The following LEPR variants were observed in gnomAD, a reference collection of about 807,000 sequenced individuals.
The protein encoded by LEPR is OB receptor.
LEPR carries 56 observed loss-of-function variants against 114.7 expected under a neutral mutation model. The ratio of observed to expected loss-of-function variants is 0.49; its 90% confidence interval spans 0.39 to 0.61. LEPR has a LOEUF of 0.61. LEPR is among the 20% of genes least tolerant of loss of function. LEPR has a pLI of 0.00. For synonymous variants in LEPR, 443 were observed against 461.4 expected (o/e 0.96, Z 0.51); for missense variants, 1,202 against 1,352.9 (o/e 0.89, Z 1.75).
chr1:65,614,854 T>G (rs1444349568), intron 14 of LEPR, among the ~76,000 whole-genome samples: 2 of 152,156 alleles, frequency 1.3e-5, no homozygotes, highest in African/African-American at 4.8e-5. Context: ...TGTTTCTAAT[T>G]ACCATCGTTC....
intron 2 of LEPR, among the ~76,000 whole-genome samples, chr1:65,470,713 A>C (rs901757397): frequency 1.3e-5 from 2 of 152,250 alleles, no homozygotes; most frequent in African/African-American, 4.8e-5. Context: ...AACAGGAATT[A>C]AACTTTATGC....
At chr1:65,454,141 C>A (rs1337683143) in intron 2 of LEPR, among the ~76,000 whole-genome samples, 2 of 151,446 alleles carry the variant, frequency 1.3e-5, no homozygotes, top group Non-Finnish European at 2.9e-5. Flanking sequence ...CTTGGTAGAT[C>A]TTCCTCCATC....
At chr1:65,435,165 G>T (rs913263851) in intron 2 of LEPR, 1 of 985,322 alleles carries the variant, frequency 1.0e-6, no homozygotes, top group Non-Finnish European at 1.2e-6. Context: ...GTTCTGAGCT[G>T]GTCCTGCTTT....
intron 2 of LEPR, among the ~76,000 whole-genome samples, chr1:65,522,017 A>G (rs1649661461): frequency 6.6e-6 from 1 of 152,144 alleles, no homozygotes; most frequent in Non-Finnish European, 1.5e-5. Context: ...TGCATTTTTG[A>G]ATGCAAATTT....
chr1:65,431,236 GT>G (rs1372049915), intron 2 of LEPR, among the ~76,000 whole-genome samples: 1 of 152,076 alleles, frequency 6.6e-6, no homozygotes, highest in Non-Finnish European at 1.5e-5. Flanking sequence ...ATCATATTTT[GT>G]GAAGAAACTT....
chr1:65,451,655 G>A (rs916493079), intron 2 of LEPR, among the ~76,000 whole-genome samples: 5 of 152,194 alleles, frequency 3.3e-5, no homozygotes, highest in Non-Finnish European at 7.3e-5. Context: ...TTTGGTACCA[G>A]TACCGTGCTG....
chr1:65,421,491 A>G (rs777951539), intron 1 of LEPR: 107 of 1,535,608 alleles, frequency 7.0e-5, no homozygotes, highest in Non-Finnish European at 8.6e-5. Context: ...AATCTGTCGA[A>G]TAGAGTAGCA....
chr1:65,532,368 G>A (rs559521777), intron 2 of LEPR, among the ~76,000 whole-genome samples: 10 of 152,204 alleles, frequency 6.6e-5, no homozygotes, highest in Admixed American at 2.0e-4. Flanking sequence ...ATGGATACTC[G>A]TGAGCCATCT....
At chr1:65,608,208 A>T (rs1486480848) in intron 11 of LEPR, among the ~76,000 whole-genome samples, 1 of 143,938 alleles carries the variant, frequency 6.9e-6, no homozygotes, top group South Asian at 2.2e-4. Flanking sequence ...TGTTATTGAT[A>T]TTTAGCATGT....
Position 65,616,163 on chromosome 1 carries a change from C to T in LEPR, c.2151C>T (p.Ile717=), listed in dbSNP as rs2100992430. Residue 717 remains isoleucine, a synonymous_variant, in exon 15 of 20, where the codon ATC becomes ATT. Coordinates refer to ENST00000349533, the MANE Select transcript of LEPR (RefSeq NM_002303.6). ...CACATACTGTTACGGTTCTGGCCATCAATTCAATTGGTGCTTCTGTTGCAA... is the reference window on the plus strand; with the variant it reads ...CACATACTGTTACGGTTCTGGCCATTAATTCAATTGGTGCTTCTGTTGCAA... ...EQAHTVTVLA[I]NSIGASVANF... 1.2e-6 allele frequency: 2 copies of T among 1,614,128 alleles called. No homozygotes were observed. The highest frequency in any genetic ancestry group is 1.6e-4 in the Middle Eastern group (1 of 6,062).
intron 14 of LEPR, among the ~76,000 whole-genome samples, chr1:65,614,159 G>T (rs1266608039): frequency 6.6e-6 from 1 of 152,168 alleles, no homozygotes; most frequent in East Asian, 1.9e-4. Context: ...GAATGTTTAA[G>T]CAGCTTTAGT....
rs546395341 is a variant in LEPR, at chr1:65,592,797, G to A, written c.635G>A (p.Cys212Tyr). The A allele has an allele frequency of 2.2e-5, 35 of 1,613,254 alleles. No homozygotes were observed. The highest frequency in any genetic ancestry group is 2.8e-5 in the Non-Finnish European group (33 of 1,179,444). ...AAACTCAACGACACTCTCCTTATGTGTTTGAAAATCACATCTGGTGGAGTA... is the reference window on the plus strand; with the variant it reads ...AAACTCAACGACACTCTCCTTATGTATTTGAAAATCACATCTGGTGGAGTA... ...TAKLNDTLLM[C>Y]LKITSGGVIF... The change falls in exon 6 of 20, where the codon TGT becomes TAT. Residue 212 changes from cysteine to tyrosine, a missense_variant. Cys to Tyr is a radical substitution (Grantham distance 194). Coordinates refer to ENST00000349533, the MANE Select transcript of LEPR (RefSeq NM_002303.6).
intron 2 of LEPR, among the ~76,000 whole-genome samples, chr1:65,436,444 G>A (rs1004357192): frequency 3.3e-5 from 5 of 152,144 alleles, no homozygotes; most frequent in African/African-American, 7.2e-5. Context: ...AGTGGATTTA[G>A]GCAGCCAGAT....
chr1:65,491,477 T>C (rs1401637744), intron 2 of LEPR, among the ~76,000 whole-genome samples: 2 of 152,080 alleles, frequency 1.3e-5, no homozygotes, highest in African/African-American at 4.8e-5. Flanking sequence ...TAAGTGACTA[T>C]TAAGGTAGCC....
chr1:65,516,556 A>T (rs148657963), intron 2 of LEPR, among the ~76,000 whole-genome samples: 39 of 152,388 alleles, frequency 2.6e-4, no homozygotes, highest in Non-Finnish European at 4.7e-4. Flanking sequence ...AAGCAAGCCT[A>T]CTAATTATCT....
At chr1:65,589,968 A>G (rs1655576198) in intron 5 of LEPR, among the ~76,000 whole-genome samples, 1 of 151,838 alleles carries the variant, frequency 6.6e-6, no homozygotes, top group East Asian at 1.9e-4. Context: ...TAGCCTGTTG[A>G]GATTGTGAGT....
At chr1:65,517,004 G>A (rs774903948) in intron 2 of LEPR, among the ~76,000 whole-genome samples, 2 of 152,080 alleles carry the variant, frequency 1.3e-5, no homozygotes, top group Non-Finnish European at 2.9e-5. Flanking sequence ...CATAATAACC[G>A]AGCAGTCTCA....
At chr1:65,615,798 G>A (rs1388631497) in intron 14 of LEPR, among the ~76,000 whole-genome samples, 1 of 152,148 alleles carries the variant, frequency 6.6e-6, no homozygotes, top group Non-Finnish European at 1.5e-5. Context: ...AGTTTGCTAT[G>A]CTCCATAACG....
chr1:65,478,290 C>T (rs1304506289), intron 2 of LEPR, among the ~76,000 whole-genome samples: 1 of 152,130 alleles, frequency 6.6e-6, no homozygotes, highest in Non-Finnish European at 1.5e-5. Context: ...GGCCGTCCAT[C>T]CTAACTCACT....
Sources: allele counts gnomAD v4.1 joint callset (sites outside exome capture counted in the v4.1 genomes callset), GRCh38; gene constraint gnomAD v4.1.1; transcripts MANE v1.5; gene names NCBI Gene and HGNC (gene_info 2026-07-23, HGNC 2026-07-21).